The following DCAF8 variants were observed in gnomAD, a reference collection of about 807,000 sequenced individuals.
DCAF8 encodes the protein DDB1- and CUL4-associated factor 8.
A neutral mutation model predicts 68.0 loss-of-function variants in DCAF8; 20 were observed. The observed-to-expected ratio is 0.29, with a 90% confidence interval of 0.21 to 0.43. The LOEUF (loss-of-function observed/expected upper bound fraction) is 0.43. Among genes scored for constraint, DCAF8 ranks in the 20% least tolerant of loss-of-function variants. The probability of loss-of-function intolerance (pLI) is 1.00; values close to 1 mark genes in which losing one functional copy is unlikely to be tolerated. For missense variants in DCAF8, 460 were observed against 771.0 expected, an observed-to-expected ratio of 0.60 and a Z score of 4.78; for synonymous variants, 230 against 276.9, an observed-to-expected ratio of 0.83 and a Z score of 1.68.
At chr1:160,237,757 C>CT (rs571489910) in intron 5 of DCAF8, among the ~76,000 whole-genome samples, 132 of 152,170 alleles carry the variant, frequency 8.7e-4, no homozygotes, top group Non-Finnish European at 1.7e-3. Flanking sequence ...CCAGGCTGGT[C>CT]TTTAACTGCT....
rs966854611 is a variant in DCAF8 at position 160,225,604 on chromosome 1, C to T, written c.1130G>A (p.Cys377Tyr). ...CATGAATCTTACCAGGTGATGAGGA[C>T]AGAACTTCTTGAGTACTCCATTGTT... ...NENNGVLKKF[C>Y]PHHLVNSESK... Residue 377 changes from cysteine (C) to tyrosine (Y), a missense_variant, in exon 8 of 14, where the codon TGT becomes TAT. Transcript: ENST00000368074. The T allele has an allele frequency of 8.7e-6, 14 of 1,613,558 alleles. No homozygotes were observed. Among genetic ancestry groups the T allele is most frequent in the Non-Finnish European group, 1.2e-5 (14 of 1,179,536 alleles).
At chr1:160,217,987 T>G (rs766922056) in intron 13 of DCAF8, 13 of 510,372 alleles carry the variant, frequency 2.5e-5, no homozygotes, top group Admixed American at 1.1e-4. Context: ...AACTGCCAGT[T>G]TGCCAACCCC....
chr1:160,219,033 C>T, intron 11 of DCAF8, 65 bp from the exon 12 acceptor site: 2 of 1,593,560 alleles, frequency 1.3e-6, no homozygotes, highest in South Asian at 2.3e-5. Context: ...AAAACCACTA[C>T]TCACCTTGAG....
At chr1:160,235,864 G>A (rs1655857254) in intron 6 of DCAF8, among the ~76,000 whole-genome samples, 1 of 151,952 alleles carries the variant, frequency 6.6e-6, no homozygotes, top group Non-Finnish European at 1.5e-5. Context: ...TCAGCCTCCT[G>A]AGTAGCTAGG....
Position 160,240,050 on chromosome 1 carries a change from T to C in DCAF8, c.370A>G (p.Asn124Asp), listed in dbSNP as rs890486134. Residue 124 changes from asparagine (N) to aspartate (D), a missense_variant, in exon 4 of 14, where the codon AAC (asparagine) becomes GAC (aspartate). This residue lies in a region of DCAF8 where 156 missense variants were observed against 181.4 expected (regional missense o/e 0.86). Coordinates refer to ENST00000368074, the MANE Select transcript of DCAF8 (RefSeq NM_015726.4). ...TCATCTGATGAGTCCTGGTCACGGTTAGCCCGCTTGCGCTGTACACGGCGC... is the reference window on the plus strand; with the variant it reads ...TCATCTGATGAGTCCTGGTCACGGTCAGCCCGCTTGCGCTGTACACGGCGC... ...PRRRVQRKRA[N>D]RDQDSSDDER... The C allele has an allele frequency of 1.2e-6, 2 of 1,614,050 alleles. No homozygotes were observed. The highest frequency in any genetic ancestry group is 3.3e-5 in the Admixed American group (2 of 60,034).
chr1:160,242,087 T>C (rs1411963288), intron 3 of DCAF8, among the ~76,000 whole-genome samples: 1 of 151,872 alleles, frequency 6.6e-6, no homozygotes, highest in Non-Finnish European at 1.5e-5. Context: ...CTACTAGAAA[T>C]ACAAAAAATT....
Position 160,216,943 on chromosome 1 carries a change from TGAAGA to T in DCAF8, c.*644_*648del, listed in dbSNP as rs1466671938. ...CTGACCTATTTAGGGGGTGATGGGATGAAGAGAAGAGAGTGAAGGATATGTAATCA... is the reference window on the plus strand; with the variant it reads ...CTGACCTATTTAGGGGGTGATGGGATGAAGAGAGTGAAGGATATGTAATCA... On this transcript the variant is annotated 3_prime_UTR_variant, in exon 14 of 14. Transcript: ENST00000368074. 1 of 152,456 alleles carries T rather than the reference TGAAGA, an allele frequency of 6.6e-6. No homozygotes were observed. The highest frequency in any genetic ancestry group is 6.5e-5 in the Admixed American group (1 of 15,274). 9.4% of individuals were successfully genotyped at this position (152,456 alleles called of 1,614,324 possible).
intron 2 of DCAF8, among the ~76,000 whole-genome samples, chr1:160,251,089 TCCTAC>T (rs1557841404): frequency 6.6e-6 from 1 of 152,174 alleles, no homozygotes; most frequent in East Asian, 1.9e-4. Context: ...TGCCCAACTC[TCCTAC>T]ATAAACACCC....
intron 5 of DCAF8, 25 bp downstream of exon 5, chr1:160,238,582 A>T: frequency 6.3e-7 from 1 of 1,574,958 alleles, no homozygotes; most frequent in Non-Finnish European, 8.6e-7. Flanking sequence ...GGATTGCACA[A>T]ATTTTGGAGC....
chr1:160,227,314 T>C (rs1344194513), intron 7 of DCAF8, among the ~76,000 whole-genome samples: 2 of 152,202 alleles, frequency 1.3e-5, no homozygotes, highest in East Asian at 3.8e-4. Context: ...GTACTTTGTT[T>C]GCTTTGGCAG....
intron 2 of DCAF8, among the ~76,000 whole-genome samples, chr1:160,259,219 C>T (rs185038559): frequency 7.6e-4 from 115 of 152,234 alleles, no homozygotes; most frequent in African/African-American, 2.2e-3. Context: ...ATTATTAAGA[C>T]GGTCCAGCTG....
At chr1:160,224,350 A>G in intron 10 of DCAF8, 92 bp downstream of exon 10, 1 of 896,940 alleles carries the variant, frequency 1.1e-6, no homozygotes, top group Middle Eastern at 2.5e-4. Context: ...CAACACAGGC[A>G]GGTAGTTTCT....
At chr1:160,222,854 A>G (rs1655342707) in intron 10 of DCAF8, 73 bp from the exon 11 acceptor site, 1 of 1,589,784 alleles carries the variant, frequency 6.3e-7, no homozygotes, top group African/African-American at 1.3e-5. Flanking sequence ...CTCAAAGGGA[A>G]TTTAGTTATT....
intron 2 of DCAF8, among the ~76,000 whole-genome samples, chr1:160,244,781 C>T (rs531756093): frequency 3.3e-5 from 5 of 152,144 alleles, no homozygotes; most frequent in African/African-American, 1.2e-4. Context: ...CCATGCCCAC[C>T]TTTCTGTATT....
chr1:160,240,514 G>A, intron 3 of DCAF8, 144 bp from the exon 4 acceptor site: 2 of 719,982 alleles, frequency 2.8e-6, no homozygotes, highest in Non-Finnish European at 2.2e-6. Flanking sequence ...ATTACAGAGA[G>A]TACCCTCTGA....
chr1:160,253,923 G>A (rs1384213870), intron 2 of DCAF8, among the ~76,000 whole-genome samples: 1 of 152,132 alleles, frequency 6.6e-6, no homozygotes, highest in Non-Finnish European at 1.5e-5. Flanking sequence ...GTAAGAGTCA[G>A]AACAGCTTTT....
intron 11 of DCAF8, chr1:160,220,069 A>C (rs764448266): frequency 6.6e-6 from 1 of 152,274 alleles, no homozygotes; most frequent in Non-Finnish European, 1.5e-5. Flanking sequence ...CTTCCCACTT[A>C]CTTTGACTTC....
intron 2 of DCAF8, among the ~76,000 whole-genome samples, chr1:160,247,111 G>A (rs570296731): frequency 6.6e-6 from 1 of 152,200 alleles, no homozygotes; most frequent in South Asian, 2.1e-4. Context: ...TTTTTACTTT[G>A]ATCAACTTTC....
intron 6 of DCAF8, among the ~76,000 whole-genome samples, chr1:160,232,365 G>A (rs997112629): frequency 1.3e-5 from 2 of 151,890 alleles, no homozygotes; most frequent in Non-Finnish European, 2.9e-5. Flanking sequence ...ATAAAAAGCC[G>A]GGTGCGGTGG....
Sources: allele counts gnomAD v4.1 joint callset (sites outside exome capture counted in the v4.1 genomes callset), GRCh38; gene constraint gnomAD v4.1.1; regional missense constraint gnomAD v4.1.1; transcripts MANE v1.5; gene names NCBI Gene and HGNC (gene_info 2026-07-23, HGNC 2026-07-21).